Variants in GRID2 observed in about 807,000 individuals in gnomAD.
GRID2 encodes glutamate ionotropic receptor delta type subunit 2, also known as glutamate receptor ionotropic, delta-2.
A neutral mutation model predicts 114.8 loss-of-function variants in GRID2; 33 were observed. The ratio of observed to expected loss-of-function variants is 0.29; its 90% CI spans 0.22 to 0.38. GRID2 has a LOEUF of 0.38. Among genes scored for constraint, GRID2 ranks in the 10% least tolerant of loss-of-function variants. The pLI is 1.00. For missense variants in GRID2, 1,184 were observed against 1,257.7 expected, an observed-to-expected ratio of 0.94 and a Z score of 0.89; for synonymous variants, 505 against 449.9, an observed-to-expected ratio of 1.12 and a Z score of -1.55.
chr4:92,866,904 T>G (rs564616661), intron 2 of GRID2, among the ~76,000 whole-genome samples: 3 of 152,126 alleles, frequency 2.0e-5, no homozygotes, highest in Non-Finnish European at 4.4e-5. Context: ...ATATTTAACA[T>G]TACCATAGAA....
chr4:93,565,084 A>T (rs1312437231), intron 13 of GRID2, among the ~76,000 whole-genome samples: 1 of 152,142 alleles, frequency 6.6e-6, no homozygotes, highest in Non-Finnish European at 1.5e-5. Context: ...TAGCTTAATT[A>T]TAGAACTTTA....
intron 1 of GRID2, among the ~76,000 whole-genome samples, chr4:92,504,830 C>T (rs1209177825): frequency 6.6e-6 from 1 of 151,830 alleles, no homozygotes; most frequent in Non-Finnish European, 1.5e-5. Flanking sequence ...AAAGAGAAAA[C>T]ATTTCATTTT....
chr4:92,625,020 A>G (rs952612454), intron 2 of GRID2, among the ~76,000 whole-genome samples: 2 of 151,684 alleles, frequency 1.3e-5, no homozygotes, highest in Non-Finnish European at 3.0e-5. Flanking sequence ...ACCTTTTTAG[A>G]GTAATTCATT....
intron 2 of GRID2, among the ~76,000 whole-genome samples, chr4:92,641,801 A>G (rs762862373): frequency 6.6e-6 from 1 of 151,552 alleles, no homozygotes; most frequent in African/African-American, 2.4e-5. Flanking sequence ...TCCCTCCTCC[A>G]GTAGTCTTCA....
chr4:92,955,584 G>C (rs1421455843), intron 2 of GRID2, among the ~76,000 whole-genome samples: 6 of 152,074 alleles, frequency 3.9e-5, no homozygotes, highest in Admixed American at 1.3e-4. Flanking sequence ...CTCTCTGATG[G>C]TAGTTTCTTT....
chr4:92,918,558 T>G (rs889556399), intron 2 of GRID2, among the ~76,000 whole-genome samples: 4 of 152,194 alleles, frequency 2.6e-5, no homozygotes, highest in African/African-American at 9.6e-5. Flanking sequence ...GTTTTTAGCA[T>G]GAAGGGTTGT....
chr4:92,771,383 C>T (rs554535201), intron 2 of GRID2, among the ~76,000 whole-genome samples: 1 of 152,246 alleles, frequency 6.6e-6, no homozygotes, highest in South Asian at 2.1e-4. Context: ...ATGTGACTCC[C>T]TATATGGTTG....
chr4:92,921,042 C>G (rs1009660221), intron 2 of GRID2, among the ~76,000 whole-genome samples: 5 of 152,226 alleles, frequency 3.3e-5, no homozygotes, highest in Admixed American at 6.5e-5. Flanking sequence ...AGGCTTTGTT[C>G]ATTTCTTTTT....
At chr4:92,328,792 CT>C (rs1279776880) in intron 1 of GRID2, among the ~76,000 whole-genome samples, 1 of 151,950 alleles carries the variant, frequency 6.6e-6, no homozygotes, top group African/African-American at 2.4e-5. Flanking sequence ...AGAAATGAAT[CT>C]TTTAGGAGTG....
At chr4:92,459,650 AT>A (rs1721382307) in intron 1 of GRID2, among the ~76,000 whole-genome samples, 2 of 151,974 alleles carry the variant, frequency 1.3e-5, no homozygotes, top group African/African-American at 4.8e-5. Context: ...TCTACCCAAA[AT>A]TTTATTCTGT....
At chr4:93,726,125 A>G (rs539902636) in intron 14 of GRID2, among the ~76,000 whole-genome samples, 2 of 152,306 alleles carry the variant, frequency 1.3e-5, no homozygotes, top group African/African-American at 2.4e-5. Flanking sequence ...TAGGTCTAAC[A>G]TGTAAGTCTT....
chr4:93,165,860 A>G (rs962161964), intron 4 of GRID2, among the ~76,000 whole-genome samples: 3 of 152,116 alleles, frequency 2.0e-5, no homozygotes, highest in African/African-American at 7.2e-5. Context: ...GGGAGCAGAA[A>G]TTTAAACACT....
intron 1 of GRID2, among the ~76,000 whole-genome samples, chr4:92,443,271 A>G (rs1388437323): frequency 3.9e-5 from 6 of 152,122 alleles, no homozygotes; most frequent in Non-Finnish European, 7.3e-5. Flanking sequence ...TCAAAGTGCC[A>G]TTTTCTGGCT....
chr4:92,304,416 A>G lies in GRID2; in HGVS notation c.-241A>G, dbSNP rs1725270475. The G allele has an allele frequency of 1.7e-6, 1 of 577,850 alleles. No individual in the cohort carries two copies. The highest frequency in any genetic ancestry group is 2.1e-5 in the South Asian group (1 of 48,442). 35.8% of individuals were successfully genotyped at this position (577,850 alleles called of 1,614,324 possible). A position where few individuals can be genotyped will look rare whatever the true frequency, so the allele number is the denominator to read the frequency against. On this transcript the variant is annotated 5_prime_UTR_variant, in exon 1 of 16. It removes an upstream start codon present in the reference 5' UTR. Coordinates refer to ENST00000282020, the MANE Select transcript of GRID2 (RefSeq NM_001510.4). Reference sequence around the variant, plus strand: ...AGCCAAACTGCAAACAACTCTGGCGATGCCAAAATTCCCCTCCAAGTGACA... The same window carrying G: ...AGCCAAACTGCAAACAACTCTGGCGGTGCCAAAATTCCCCTCCAAGTGACA...
At chr4:92,467,764 G>A (rs1292280271) in intron 1 of GRID2, among the ~76,000 whole-genome samples, 1 of 152,082 alleles carries the variant, frequency 6.6e-6, no homozygotes, top group Non-Finnish European at 1.5e-5. Flanking sequence ...AAATAATGCA[G>A]TGATCAATGA....
At chr4:93,768,728 C>G (rs1307205380) in intron 14 of GRID2, among the ~76,000 whole-genome samples, 2 of 152,192 alleles carry the variant, frequency 1.3e-5, no homozygotes, top group African/African-American at 4.8e-5. Flanking sequence ...GTAGCATATG[C>G]TGGGTGACAT....
intron 13 of GRID2, among the ~76,000 whole-genome samples, chr4:93,610,946 G>A (rs1374967767): frequency 1.5e-5 from 2 of 137,282 alleles, no homozygotes; most frequent in African/African-American, 3.0e-5. Flanking sequence ...TCTGGTCCTG[G>A]ACTCTTTTAG....
rs148843080 is a variant in GRID2, at chr4:92,790,724, GAA to G, written c.244+200454_244+200455del. On this transcript the variant is annotated intron_variant, in intron 2 of 15. Coordinates refer to ENST00000282020, the MANE Select transcript of GRID2 (RefSeq NM_001510.4). ...TGAGCTACTGTGCCCAGCTTTTTAA[GAA>G]AAAAAAAAAAAAAAAGTGTTTTTAA... 8.7e-3 allele frequency among the ~76,000 whole-genome samples: 863 copies of G among 99,394 alleles called. 16 individuals are homozygous for G. The highest frequency in any genetic ancestry group is 0.028 in the African/African-American group (815 of 28,842). The allele number at this position is 99,394 out of a possible 152,430, so 65.2% of individuals were successfully genotyped here.
intron 1 of GRID2, among the ~76,000 whole-genome samples, chr4:93,806,024 G>C (rs1327548215): frequency 3.3e-5 from 5 of 152,148 alleles, no homozygotes; most frequent in Non-Finnish European, 7.3e-5. Context: ...TTGAATCCCA[G>C]AGGTGGAGGT....
Sources: gnomAD v4.1 joint callset for allele counts (sites outside exome capture counted in the v4.1 genomes callset) on GRCh38, gnomAD v4.1.1 for gene constraint, MANE v1.5 for transcripts, NCBI Gene and HGNC (gene_info 2026-07-23, HGNC 2026-07-21) for gene names.